The following ZNF862 variants were observed in gnomAD, a reference collection of about 807,000 sequenced individuals.
The protein encoded by ZNF862 is zinc finger protein 862.
A neutral mutation model predicts 91.1 loss-of-function variants in ZNF862; 64 were observed. The observed-to-expected ratio is 0.70, with a 90% CI of 0.57 to 0.87. The LOEUF (loss-of-function observed/expected upper bound fraction) is 0.87, where lower values mean the gene tolerates loss of function less well. Among genes scored for constraint, ZNF862 ranks in the 40% least tolerant of loss-of-function variants. The pLI, the probability that ZNF862 is intolerant of heterozygous loss-of-function variation, is 0.00. For missense variants in ZNF862, 1,459 were observed against 1,528.0 expected (o/e 0.95, Z 0.75); for synonymous variants, 631 against 618.1 (o/e 1.02, Z -0.31).
In ZNF862 at chr7:149,861,139, C is replaced by T. The variant is rs1802471733; in HGVS notation, c.1979C>T (p.Ala660Val). Residue 660 changes from alanine to valine, a missense_variant, in exon 7 of 8, where the codon GCC (alanine) becomes GTC (valine). Coordinates refer to ENST00000223210, the MANE Select transcript of ZNF862 (RefSeq NM_001099220.3). The surrounding 1 kb of genome is among the most constrained non-coding windows in gnomAD (Gnocchi z 6.7). ...GTGAAAGAGTCCTACATCACTCTGGCCCCTCTCTACAGTGAGACAGCAGAT... is the reference window on the plus strand; with the variant it reads ...GTGAAAGAGTCCTACATCACTCTGGTCCCTCTCTACAGTGAGACAGCAGAT... ...MEVKESYITL[A>V]PLYSETADGY... 1 of 1,612,900 alleles carries T rather than the reference C, an allele frequency of 6.2e-7. No individual in the cohort carries two copies. The highest frequency in any genetic ancestry group is 1.1e-5 in the South Asian group (1 of 91,046).
chr7:149,861,972 G>A lies in ZNF862; in HGVS notation c.2812G>A (p.Ala938Thr), dbSNP rs1444761945. 3.1e-6 allele frequency: 5 copies of A among 1,613,614 alleles called. No homozygotes were observed. The highest frequency in any genetic ancestry group is 2.2e-5 in the East Asian group (1 of 44,860). The change falls in exon 7 of 8, where the codon GCA (alanine) becomes ACA (threonine). Residue 938 changes from alanine (A) to threonine (T), a missense_variant. Transcript: ENST00000223210. The surrounding 1 kb of genome is among the most constrained non-coding windows in gnomAD (Gnocchi z 6.7). ...TGAGTACCTCCAGCAGAGGTTTGACGCAGACCGACCCCCACAGCTGAAGAA... is the reference window on the plus strand; with the variant it reads ...TGAGTACCTCCAGCAGAGGTTTGACACAGACCGACCCCCACAGCTGAAGAA... ...GIEYLQQRFD[A>T]DRPPQLKNME...
rs1801944695 is a variant in ZNF862 at position 149,848,201 on chromosome 7, T to C, written c.708T>C (p.Thr236=). The change falls in exon 4 of 8, where the codon ACT becomes ACC. Residue 236 remains threonine (T), a synonymous_variant. Coordinates refer to ENST00000223210, the MANE Select transcript of ZNF862 (RefSeq NM_001099220.3). The part of the protein sequence containing the change: ...DVLASPEPLF[T]ADCPIFYPPG... ...TGGCCAGCCCGGAGCCGCTCTTCAC[T>C]GCAGATTGCCCCATATTCTACCCCC... 6.2e-7 allele frequency: 1 copy of C among 1,614,004 alleles called. No individual in the cohort carries two copies. Among genetic ancestry groups the C allele is most frequent in the Non-Finnish European group, 8.5e-7 (1 of 1,179,882 alleles).
At chr7:149,840,629 AC>A in intron 1 of ZNF862, among the ~76,000 whole-genome samples, 1 of 146,098 alleles carries the variant, frequency 6.8e-6, no homozygotes, top group Middle Eastern at 3.5e-3. Flanking sequence ...ATACAGATGG[AC>A]CTTTTTTTTT....
rs1801595411 is a variant in ZNF862, at chr7:149,838,514, C to G, written c.-98C>G. ...CTCCCTCCCTACCTGGGTGCCCTCC[C>G]CCTCCGGGAGCCTGGGTCCCCGGGG... On this transcript the variant is annotated 5_prime_UTR_variant, in exon 1 of 8. Transcript: ENST00000223210. 2.4e-6 allele frequency: 2 copies of G among 845,562 alleles called. No individual in the cohort carries two copies. The highest frequency in any genetic ancestry group is 3.2e-6 in the Non-Finnish European group (2 of 634,632). 52.4% of individuals were successfully genotyped at this position (845,562 alleles called of 1,614,324 possible).
rs748041331 is a variant in ZNF862, at chr7:149,864,273, G to C, written c.3499G>C (p.Gly1167Arg). 5 of 1,598,580 alleles carry C rather than the reference G, an allele frequency of 3.1e-6. No homozygotes were observed. The highest frequency in any genetic ancestry group is 2.1e-4 in the Middle Eastern group (1 of 4,826). The change falls in exon 8 of 8, where the codon GGG (glycine) becomes CGG (arginine). Residue 1167 changes from glycine to arginine, a missense_variant. Physicochemically the swap from Gly to Arg is moderately radical, Grantham distance 125 (BLOSUM62 -2). Coordinates refer to ENST00000223210, the MANE Select transcript of ZNF862 (RefSeq NM_001099220.3). ...TCCCCACACCAGCCAGGAGGCCCCC[G>C]GGATGTCCTGAGGGACAGGGAGTCC... ...LYPHTSQEAP[G>R]MS
At position 149,847,959 on chromosome 7, in the gene ZNF862, C is replaced by G. The variant is rs1801933093; in HGVS notation, c.466C>G (p.Gln156Glu). The part of the protein sequence containing the change: ...QFPWLIMNEE[Q>E]TALFCSACRE... Reference sequence around the variant, plus strand: ...TCCGTGGCTGATCATGAATGAGGAGCAGACGGCTCTGTTCTGCTCTGCTTG... The same window carrying G: ...TCCGTGGCTGATCATGAATGAGGAGGAGACGGCTCTGTTCTGCTCTGCTTG... Residue 156 changes from glutamine (Q) to glutamate (E), a missense_variant, in exon 4 of 8, where the codon CAG (glutamine) becomes GAG (glutamate). Transcript: ENST00000223210. 6.2e-7 allele frequency: 1 copy of G among 1,609,340 alleles called. No individual in the cohort carries two copies. The highest frequency in any genetic ancestry group is 1.3e-5 in the African/African-American group (1 of 74,934).
intron 5 of ZNF862, among the ~76,000 whole-genome samples, chr7:149,854,770 C>T (rs1027015117): frequency 6.6e-6 from 1 of 152,256 alleles, no homozygotes; most frequent in Admixed American, 6.5e-5. Flanking sequence ...CAGGTGCTTC[C>T]CTGTGGCCCC....
rs1438612917 is a variant in ZNF862 at position 149,848,222 on chromosome 7, C to T, written c.729C>T (p.Tyr243=). The change falls in exon 4 of 8, where the codon TAC becomes TAT. Residue 243 remains tyrosine (Y), a synonymous_variant. Coordinates refer to ENST00000223210, the MANE Select transcript of ZNF862 (RefSeq NM_001099220.3). ...PLFTADCPIF[Y]PPGPLGGFDS... ...TCACTGCAGATTGCCCCATATTCTA[C>T]CCCCCAGGGCCTCTGGGAGGATTTG... 2.5e-6 allele frequency: 4 copies of T among 1,613,760 alleles called. No homozygotes were observed. Among genetic ancestry groups the T allele is most frequent in the Middle Eastern group, 1.6e-4 (1 of 6,062 alleles).
intron 3 of ZNF862, among the ~76,000 whole-genome samples, chr7:149,846,503 C>T (rs1275444854): frequency 6.6e-6 from 1 of 152,160 alleles, no homozygotes; most frequent in East Asian, 1.9e-4. Flanking sequence ...TTATAAGTTC[C>T]ATGAAGGCAT....
In ZNF862 at chr7:149,861,860, G is replaced by T; in HGVS notation, c.2700G>T (p.Gly900=). The T allele has an allele frequency of 6.2e-7, 1 of 1,613,736 alleles. No individual in the cohort carries two copies. The highest frequency in any genetic ancestry group is 8.5e-7 in the Non-Finnish European group (1 of 1,179,886). Residue 900 remains glycine, a synonymous_variant, in exon 7 of 8, where the codon GGG becomes GGT. Transcript: ENST00000223210. This position sits in a 1 kb window ranked among gnomAD's most constrained non-coding sequence, Gnocchi z 6.7. ...EEEFNASFKD[G]RLHGICLDKL... is the part of the protein sequence containing the mutation. Reference sequence around the variant, plus strand: ...AATTCAACGCCAGCTTCAAGGATGGGCGGCTCCACGGCATCTGCTTGGACA... The same window carrying T: ...AATTCAACGCCAGCTTCAAGGATGGTCGGCTCCACGGCATCTGCTTGGACA...
chr7:149,859,779 T>C (rs1586067191), intron 6 of ZNF862: 1 of 469,708 alleles, frequency 2.1e-6, no homozygotes, highest in African/African-American at 2.0e-5. Context: ...GCAGAGCTGG[T>C]GGGAGCAGGT....
At chr7:149,842,127 G>A (rs780224960) in intron 1 of ZNF862, among the ~76,000 whole-genome samples, 19 of 152,190 alleles carry the variant, frequency 1.2e-4, no homozygotes, top group Non-Finnish European at 2.6e-4. Context: ...CTTCCTGAAA[G>A]AGAACGTGAA....
chr7:149,860,420 A>G lies in ZNF862; in HGVS notation c.1260A>G (p.Thr420=). ...KKMVAVREAD[T]QASAADSALL... The stretch of plus-strand genomic sequence containing the variant: ...TGGTGGCAGTGAGAGAGGCAGACAC[A>G]CAGGCCTCGGCTGCAGACTCCGCGT... The change falls in exon 7 of 8, where the codon ACA becomes ACG. Residue 420 remains threonine (T), a synonymous_variant. Transcript: ENST00000223210. 1 of 1,613,084 alleles carries G rather than the reference A, an allele frequency of 6.2e-7. No homozygotes were observed. Among genetic ancestry groups the G allele is most frequent in the Non-Finnish European group, 8.5e-7 (1 of 1,179,538 alleles).
In ZNF862 at chr7:149,861,156, A is replaced by G. The variant is rs1802473193; in HGVS notation, c.1996A>G (p.Thr666Ala). The G allele has an allele frequency of 1.9e-6, 3 of 1,612,944 alleles. No individual in the cohort carries two copies. Among genetic ancestry groups the G allele is most frequent in the East Asian group, 2.2e-5 (1 of 44,850 alleles). The stretch of plus-strand genomic sequence containing the variant: ...CACTCTGGCCCCTCTCTACAGTGAG[A>G]CAGCAGATGGGTACTTCGAGACCAT... ...YITLAPLYSETADGYFETIVS... is the reference protein window; with the variant it reads ...YITLAPLYSEAADGYFETIVS... Residue 666 changes from threonine (T) to alanine (A), a missense_variant, in exon 7 of 8, where the codon ACA becomes GCA. Physicochemically the swap from Thr to Ala is moderately conservative, Grantham distance 58 (BLOSUM62 0). Coordinates refer to ENST00000223210, the MANE Select transcript of ZNF862 (RefSeq NM_001099220.3). The surrounding 1 kb of genome is among the most constrained non-coding windows in gnomAD (Gnocchi z 6.7).
intron 5 of ZNF862, chr7:149,858,942 TGGG>T (rs1802353572): frequency 8.2e-6 from 1 of 121,764 alleles, no homozygotes; most frequent in African/African-American, 3.7e-5. Flanking sequence ...GGCACACGCG[TGGG>T]CCAGCTGTGG....
chr7:149,858,133 C>T (rs987607977), intron 5 of ZNF862, among the ~76,000 whole-genome samples: 3 of 152,170 alleles, frequency 2.0e-5, no homozygotes, highest in African/African-American at 7.2e-5. Context: ...CCACGTTCTC[C>T]CATACCTGTT....
Position 149,841,305 on chromosome 7 carries a change from AG to A in ZNF862, c.24+2671del, listed in dbSNP as rs774232215. 79 of 985,428 alleles carry A rather than the reference AG, an allele frequency of 8.0e-5. 1 individual carries two copies. In the East Asian group the frequency reaches 6.9e-3, roughly 86 times the overall value. 61.0% of individuals were successfully genotyped at this position (985,428 alleles called of 1,614,324 possible). A position where few individuals can be genotyped will look rare whatever the true frequency, so the allele number is the denominator to read the frequency against. On this transcript the variant is annotated intron_variant, in intron 1 of 7. Transcript: ENST00000223210. ...TGTTTTGTGGTCTTTATTAACTGAC[AG>A]CCATCTTGGGCCATTGGATTGATAT...
intron 5 of ZNF862, among the ~76,000 whole-genome samples, chr7:149,854,115 A>G (rs2057878): frequency 0.093 from 14,221 of 152,140 alleles, 2,112 homozygotes; most frequent in African/African-American, 0.31. Context: ...TTATAAAACA[A>G]TTGCATCCTC....
chr7:149,865,150 C>G lies in ZNF862; in HGVS notation c.*866C>G, dbSNP rs1439656284. 6.6e-6 allele frequency: 1 copy of G among 152,336 alleles called. No individual in the cohort carries two copies. The highest frequency in any genetic ancestry group is 1.5e-5 in the Non-Finnish European group (1 of 68,136). The allele number at this position is 152,336 out of a possible 1,614,324, so 9.4% of individuals were successfully genotyped here. On this transcript the variant is annotated 3_prime_UTR_variant, in exon 8 of 8. Transcript: ENST00000223210. ...CAGCAGAGATCCAAGTGCCTGCTGA[C>G]TCCCCATCTGCCCTAGGATTAGTGA...
Sources: gnomAD v4.1 joint callset for allele counts (sites outside exome capture counted in the v4.1 genomes callset) on GRCh38, gnomAD v4.1.1 for gene constraint, Gnocchi (gnomAD v3.1) non-coding constraint, MANE v1.5 for transcripts, NCBI Gene and HGNC (gene_info 2026-07-23, HGNC 2026-07-21) for gene names.